Variants in PHEX observed in about 807,000 individuals in gnomAD.
The protein encoded by PHEX is phosphate regulating endopeptidase X-linked.
In PHEX, 16 loss-of-function variants were observed where a neutral mutation model predicts 68.0. The ratio of observed to expected loss-of-function variants is 0.24; its 90% CI spans 0.16 to 0.36. PHEX has a LOEUF of 0.36. PHEX is among the 10% of genes least tolerant of loss of function. The pLI, the probability that PHEX is intolerant of heterozygous loss-of-function variation, is 1.00. For synonymous variants in PHEX, 208 were observed against 205.1 expected (o/e 1.01, Z -0.12); for missense variants, 480 against 575.5 (o/e 0.83, Z 1.70).
Position 22,086,247 on chromosome X carries a change from T to C in PHEX, c.664-4182T>C, listed in dbSNP as rs771778027. Among the ~76,000 whole-genome samples, 9 of 111,961 alleles carry C rather than the reference T, an allele frequency of 8.0e-5. No homozygotes were observed. The South Asian group carries it at 3.0e-3, about 37-fold the overall frequency. ...AATGCTGCTGAACAGCCACTCTGAT[T>C]TGGTGTCTCCTTTGGCCGAGTTACG... On this transcript the variant is annotated intron_variant, in intron 5 of 21. Coordinates refer to ENST00000379374, the MANE Select transcript of PHEX (RefSeq NM_000444.6).
chrX:22,053,780 T>C (rs977472469), intron 3 of PHEX, among the ~76,000 whole-genome samples: 4 of 112,217 alleles, frequency 3.6e-5, no homozygotes, highest in Non-Finnish European at 7.5e-5. Context: ...AAATGCAATA[T>C]ATTATTTTCA....
chrX:22,215,253 C>T (rs1315737161), intron 16 of PHEX, among the ~76,000 whole-genome samples: 2 of 111,221 alleles, frequency 1.8e-5, no homozygotes, highest in African/African-American at 3.3e-5. Flanking sequence ...ACTTGTTTGT[C>T]CTCATCCACT....
chrX:22,126,484 A>G, intron 11 of PHEX, among the ~76,000 whole-genome samples: 1 of 112,146 alleles, frequency 8.9e-6, no homozygotes, highest in Non-Finnish European at 1.9e-5. Context: ...CAATGTTGGC[A>G]TATGTCCCTT....
At chrX:22,226,969 A>G (rs1266453773) in intron 19 of PHEX, among the ~76,000 whole-genome samples, 2 of 111,871 alleles carry the variant, frequency 1.8e-5, no homozygotes, top group Admixed American at 9.5e-5. Flanking sequence ...TTCATCATCC[A>G]CTAGTTTGTG....
rs553807795 is a variant in PHEX, at chrX:22,231,009, G to A, written c.2070+3398G>A. On this transcript the variant is annotated intron_variant, in intron 20 of 21. Transcript: ENST00000379374. The stretch of plus-strand genomic sequence containing the variant: ...TCAAGGGGTGTTGAATTTTGTCAAA[G>A]GCCTTTTCTGCATCTATTGAGATAA... Among the ~76,000 whole-genome samples, 34 of 111,965 alleles carry A rather than the reference G, an allele frequency of 3.0e-4. No homozygotes were observed. The South Asian group carries it at 0.012, about 38-fold the overall frequency.
At chrX:22,136,135 G>C (rs1462301120) in intron 12 of PHEX, among the ~76,000 whole-genome samples, 1 of 106,730 alleles carries the variant, frequency 9.4e-6, no homozygotes, top group Non-Finnish European at 1.9e-5. Context: ...CACTAGCGGC[G>C]TTGAAAGCTT....
chrX:22,129,151 T>C (rs1931869850), intron 11 of PHEX, among the ~76,000 whole-genome samples: 1 of 111,255 alleles, frequency 9.0e-6, no homozygotes, highest in Non-Finnish European at 1.9e-5. Context: ...TGGGTGCGTA[T>C]ATACAGGGTG....
intron 12 of PHEX, among the ~76,000 whole-genome samples, chrX:22,144,760 A>C (rs1020100460): frequency 9.1e-6 from 1 of 109,759 alleles, no homozygotes; most frequent in East Asian, 2.8e-4. Context: ...AAAAAAAAAA[A>C]ATGGTTGATT....
chrX:22,203,024 G>A (rs766577322), intron 15 of PHEX, among the ~76,000 whole-genome samples: 5 of 110,974 alleles, frequency 4.5e-5, no homozygotes, highest in African/African-American at 9.9e-5. Flanking sequence ...ATTGAGGACC[G>A]CTGAGCTATA....
intron 11 of PHEX, among the ~76,000 whole-genome samples, chrX:22,123,183 T>C (rs1180673754): frequency 9.2e-6 from 1 of 108,785 alleles, no homozygotes; most frequent in Non-Finnish European, 1.9e-5. Flanking sequence ...GAGATGGGGC[T>C]TTGGCGTGTT....
intron 12 of PHEX, among the ~76,000 whole-genome samples, chrX:22,150,553 C>T (rs916974490): frequency 8.9e-6 from 1 of 112,071 alleles, no homozygotes; most frequent in Middle Eastern, 4.6e-3. Context: ...TTATTTACAA[C>T]ACCAGGCAGT....
chrX:22,145,577 C>G (rs1388724603), intron 12 of PHEX, among the ~76,000 whole-genome samples: 1 of 106,707 alleles, frequency 9.4e-6, no homozygotes, highest in Non-Finnish European at 1.9e-5. Flanking sequence ...GATCATGCCA[C>G]TGCACTCCAG....
rs746223770 is a variant in PHEX at position 22,098,795 on chromosome X, C to CAAAAAAAAAAAAAAAA, written c.934-194_934-179dup. 7.9e-4 allele frequency among the ~76,000 whole-genome samples: 9 copies of CAAAAAAAAAAAAAAAA among 11,374 alleles called. 2 individuals carry two copies. The highest frequency in any genetic ancestry group is 1.8e-3 in the African/African-American group (8 of 4,520). 9.9% of individuals were successfully genotyped at this position (11,374 alleles called of 115,157 possible). ...CCTGGGTGATAGAGCGAGAATGTCTCAAAAAAAAAAAAAAAAAAAAAAAAA... is the reference window on the plus strand; with the variant it reads ...CCTGGGTGATAGAGCGAGAATGTCTCAAAAAAAAAAAAAAAAAAAAAAAAAAAAAAAAAAAAAAAAA... On this transcript the variant is annotated intron_variant, in intron 8 of 21. Transcript: ENST00000379374.
intron 12 of PHEX, among the ~76,000 whole-genome samples, chrX:22,136,614 A>G (rs931405897): frequency 3.6e-5 from 4 of 112,023 alleles, no homozygotes; most frequent in South Asian, 3.7e-4. Context: ...AGAGCCTCCT[A>G]AGAAGTGTTA....
intron 3 of PHEX, among the ~76,000 whole-genome samples, chrX:22,075,383 C>T (rs901812668): frequency 1.9e-5 from 2 of 106,098 alleles, no homozygotes; most frequent in African/African-American, 6.9e-5. Flanking sequence ...TAATTAGTGC[C>T]GTACATTTTG....
At chrX:22,226,370 T>C (rs1935497951) in intron 18 of PHEX, 73 bp from the exon 19 acceptor site, 2 of 692,804 alleles carry the variant, frequency 2.9e-6, no homozygotes, top group Middle Eastern at 3.1e-4. Context: ...ATAATATTGA[T>C]GCCTCTTGCT....
At chrX:22,087,964 C>T (rs1187868986) in intron 5 of PHEX, among the ~76,000 whole-genome samples, 1 of 111,592 alleles carries the variant, frequency 9.0e-6, no homozygotes, top group Admixed American at 9.6e-5. Context: ...TAAGTTTTGA[C>T]AAATGCATAG....
In PHEX at chrX:22,099,152, G is replaced by T. The variant is rs886039583; in HGVS notation, c.1079+1G>T. On this transcript the variant is annotated splice_donor_variant, in intron 9 of 21. Coordinates refer to ENST00000379374, the MANE Select transcript of PHEX (RefSeq NM_000444.6). LOFTEE classifies it high-confidence loss of function. Reference sequence around the variant, plus strand: ...GGATATTAGGGTCTGAGAGAAAGAAGTAAGAACTTTCACATGAATTTTACT... The same window carrying T: ...GGATATTAGGGTCTGAGAGAAAGAATTAAGAACTTTCACATGAATTTTACT... 8.3e-7 allele frequency: 1 copy of T among 1,204,228 alleles called. No individual in the cohort carries two copies. Among genetic ancestry groups the T allele is most frequent in the Non-Finnish European group, 1.1e-6 (1 of 888,722 alleles).
At chrX:22,247,004 T>C (rs1025253016) in intron 21 of PHEX, among the ~76,000 whole-genome samples, 1 of 111,515 alleles carries the variant, frequency 9.0e-6, no homozygotes, top group Non-Finnish European at 1.9e-5. Flanking sequence ...AATCACACAA[T>C]GGCAATACCA....
Sources: allele counts gnomAD v4.1 joint callset (sites outside exome capture counted in the v4.1 genomes callset), GRCh38; gene constraint gnomAD v4.1.1; transcripts MANE v1.5; gene names NCBI Gene and HGNC (gene_info 2026-07-23, HGNC 2026-07-21).